The following CUEDC1 variants were observed in gnomAD, a reference collection of about 807,000 sequenced individuals.
CUEDC1 encodes the protein CUE domain-containing protein 1.
Under a neutral mutation model 43.7 loss-of-function variants are expected in CUEDC1, and 30 were observed. That is an observed-to-expected ratio of 0.69 (90% CI 0.51 to 0.93). CUEDC1 has a LOEUF of 0.93. Ranked by LOEUF, CUEDC1 falls within the 40% of genes least tolerant of loss-of-function variation. CUEDC1 has a pLI of 0.00. For missense variants in CUEDC1, 486 were observed against 549.0 expected, an observed-to-expected ratio of 0.89 and a Z score of 1.15; for synonymous variants, 223 against 223.6, an observed-to-expected ratio of 1.00 and a Z score of 0.02.
chr17:57,876,822 G>A (rs1474046345), intron 3 of CUEDC1, among the ~76,000 whole-genome samples: 7 of 152,194 alleles, frequency 4.6e-5, no homozygotes. Flanking sequence ...GTGTAGCTGG[G>A]GGACAGGAAG....
At chr17:57,951,835 TA>T (rs1161668070) in intron 1 of CUEDC1, among the ~76,000 whole-genome samples, 1 of 152,222 alleles carries the variant, frequency 6.6e-6, no homozygotes, top group African/African-American at 2.4e-5. Context: ...GTCACATTTA[TA>T]AGAAGGGAGT....
chr17:57,934,621 T>C (rs1279845243), intron 1 of CUEDC1, among the ~76,000 whole-genome samples: 3 of 149,590 alleles, frequency 2.0e-5, no homozygotes, highest in African/African-American at 7.4e-5. Flanking sequence ...TGAACCCCTA[T>C]CTTTTTTAAG....
chr17:57,877,081 C>G (rs1400280839), intron 3 of CUEDC1, among the ~76,000 whole-genome samples: 2 of 152,222 alleles, frequency 1.3e-5, no homozygotes, highest in Non-Finnish European at 2.9e-5. Flanking sequence ...TCTGACTCCA[C>G]AAGTCAAGTT....
intron 1 of CUEDC1, among the ~76,000 whole-genome samples, chr17:57,910,541 C>A (rs888494146): frequency 6.6e-6 from 1 of 151,374 alleles, no homozygotes; most frequent in African/African-American, 2.4e-5. Flanking sequence ...GCAGGAGGAT[C>A]GCTTGAGCCC....
intron 2 of CUEDC1, among the ~76,000 whole-genome samples, chr17:57,884,220 C>T (rs62081762): frequency 0.12 from 12,427 of 101,202 alleles, 678 homozygotes; most frequent in South Asian, 0.15. Flanking sequence ...TTTTTTGAGA[C>T]GGAGCCTTGT....
chr17:57,894,790 G>A (rs947183902), intron 1 of CUEDC1, among the ~76,000 whole-genome samples: 3 of 152,212 alleles, frequency 2.0e-5, no homozygotes, highest in African/African-American at 4.8e-5. Flanking sequence ...GCAGGGACGA[G>A]GGCAAGAGGT....
intron 1 of CUEDC1, among the ~76,000 whole-genome samples, chr17:57,934,649 C>T (rs9902569): frequency 0.33 from 49,290 of 149,728 alleles, 10,086 homozygotes; most frequent in African/African-American, 0.58. Context: ...AGTGCATTTG[C>T]TATCTACTCA....
At chr17:57,899,237 C>G (rs1358729096) in intron 1 of CUEDC1, among the ~76,000 whole-genome samples, 1 of 152,144 alleles carries the variant, frequency 6.6e-6, no homozygotes, top group Non-Finnish European at 1.5e-5. Flanking sequence ...TAGAGCCACT[C>G]ACTGCTGGGC....
In CUEDC1 at chr17:57,932,130, A is replaced by G. The variant is rs185833380; in HGVS notation, c.-316+23095T>C. 6.3e-4 allele frequency among the ~76,000 whole-genome samples: 96 copies of G among 151,212 alleles called. 1 individual carries two copies. In the East Asian group the frequency reaches 0.011, roughly 18 times the overall value. ...CCACTAAAAACACACACACACACAC[A>G]AAATAGCTGGGTGTCGTGGTACATG... On this transcript the variant is annotated intron_variant, in intron 1 of 10. Transcript: ENST00000577830.
intron 1 of CUEDC1, among the ~76,000 whole-genome samples, chr17:57,902,775 G>T (rs1257898130): frequency 1.3e-5 from 2 of 152,148 alleles, no homozygotes; most frequent in Non-Finnish European, 2.9e-5. Context: ...CTCCAGGTTG[G>T]GCACAAACCC....
At chr17:57,916,649 A>G (rs1399028822) in intron 1 of CUEDC1, among the ~76,000 whole-genome samples, 1 of 152,150 alleles carries the variant, frequency 6.6e-6, no homozygotes, top group African/African-American at 2.4e-5. Context: ...TAGAAGCCAC[A>G]CTGGGAGCCC....
Position 57,879,651 on chromosome 17 carries a change from C to A in CUEDC1, c.424G>T (p.Asp142Tyr). 1 of 1,603,866 alleles carries A rather than the reference C, an allele frequency of 6.2e-7. No individual in the cohort carries two copies. The highest frequency in any genetic ancestry group is 8.5e-7 in the Non-Finnish European group (1 of 1,176,630). ...GGGGGAGCCAGAGGGTAGGGCCGGT[C>A]GAACACGTGCATGTGGTAGGCTGGC... ...SPPAYHMHVF[D>Y]RPYPLAPPTP... Residue 142 changes from aspartate to tyrosine, a missense_variant, in exon 3 of 11, where the codon GAC becomes TAC. By Grantham distance (160) the Asp-to-Tyr change is radical. Transcript: ENST00000577830.
intron 1 of CUEDC1, among the ~76,000 whole-genome samples, chr17:57,902,204 A>AT (rs2074479625): frequency 6.6e-6 from 1 of 151,638 alleles, no homozygotes; most frequent in Non-Finnish European, 1.5e-5. Flanking sequence ...AAAAAAAAAA[A>AT]CAAAAAACAA....
At chr17:57,866,813 G>C in intron 9 of CUEDC1, 1 of 482,968 alleles carries the variant, frequency 2.1e-6, no homozygotes, top group Non-Finnish European at 3.8e-6. Flanking sequence ...TATAAAATGG[G>C]ATGGAAAAGC....
intron 1 of CUEDC1, among the ~76,000 whole-genome samples, chr17:57,925,277 T>C (rs1353846342): frequency 6.6e-6 from 1 of 152,140 alleles, no homozygotes; most frequent in East Asian, 1.9e-4. Flanking sequence ...ACATTCTGAC[T>C]AAAATCCGTG....
chr17:57,868,403 G>A (rs1242892685), intron 7 of CUEDC1, 160 bp from the exon 8 acceptor site: 14 of 654,506 alleles, frequency 2.1e-5, no homozygotes, highest in Non-Finnish European at 3.3e-5. Context: ...GACAGGAATC[G>A]CAGACCCCTG....
At chr17:57,873,548 G>A (rs762450303) in intron 4 of CUEDC1, 43 bp downstream of exon 4, 3 of 1,505,566 alleles carry the variant, frequency 2.0e-6, no homozygotes, top group South Asian at 1.3e-5. Context: ...GAGAGATGCT[G>A]GACAAGCAGG....
intron 1 of CUEDC1, among the ~76,000 whole-genome samples, chr17:57,902,218 AC>A: frequency 6.6e-6 from 1 of 151,912 alleles, no homozygotes; most frequent in Non-Finnish European, 1.5e-5. Context: ...AAAACAAAAA[AC>A]AAAAAAAACC....
Position 57,863,071 on chromosome 17 carries a change from G to C in CUEDC1, c.*218C>G, listed in dbSNP as rs1272556143. 6.6e-6 allele frequency: 1 copy of C among 152,448 alleles called. No homozygotes were observed. Among genetic ancestry groups the C allele is most frequent in the African/African-American group, 2.4e-5 (1 of 41,366 alleles). 9.4% of individuals were successfully genotyped at this position (152,448 alleles called of 1,614,324 possible). The stretch of plus-strand genomic sequence containing the variant: ...TGGCTGCTGCCTATAGGGGCCCCAG[G>C]TCCTTCCTCCAATTGCAAGGCAGCA... On this transcript the variant is annotated 3_prime_UTR_variant, in exon 11 of 11. Transcript: ENST00000577830.
Sources: gnomAD v4.1 joint callset for allele counts (sites outside exome capture counted in the v4.1 genomes callset) on GRCh38, gnomAD v4.1.1 for gene constraint, MANE v1.5 for transcripts, NCBI Gene and HGNC (gene_info 2026-07-23, HGNC 2026-07-21) for gene names.